ZFAND3: variants seen among roughly 807,000 people sequenced by gnomAD.
ZFAND3 encodes the protein zinc finger AN1-type containing 3, also known as AN1-type zinc finger protein 3.
ZFAND3 carries 10 observed loss-of-function variants against 29.6 expected under a neutral mutation model. The observed-to-expected ratio is 0.34, with a 90% CI of 0.21 to 0.57. The LOEUF is 0.57. Among genes scored for constraint, ZFAND3 ranks in the 20% least tolerant of loss-of-function variants. ZFAND3 has a pLI of 0.86. For missense variants in ZFAND3, 230 were observed against 304.5 expected (o/e 0.76, Z 1.82); for synonymous variants, 128 against 112.6 (o/e 1.14, Z -0.87).
intron 5 of ZFAND3, among the ~76,000 whole-genome samples, chr6:38,151,492 A>C (rs1355144862): frequency 6.6e-6 from 1 of 151,356 alleles, no homozygotes; most frequent in Non-Finnish European, 1.5e-5. Context: ...CAGTGGAGTG[A>C]AGGACAGCTG....
At chr6:37,820,357 C>T (rs1394023975) in intron 1 of ZFAND3, among the ~76,000 whole-genome samples, 1 of 152,216 alleles carries the variant, frequency 6.6e-6, no homozygotes, top group Non-Finnish European at 1.5e-5. Flanking sequence ...AGGGGTGCCC[C>T]TTCCGTGGGC....
intron 1 of ZFAND3, among the ~76,000 whole-genome samples, chr6:37,907,202 A>G (rs1279439034): frequency 6.6e-6 from 1 of 152,016 alleles, no homozygotes; most frequent in Non-Finnish European, 1.5e-5. Flanking sequence ...ATCATAGAAT[A>G]TTCCTCTCCC....
intron 2 of ZFAND3, among the ~76,000 whole-genome samples, chr6:38,044,271 G>A (rs1385031575): frequency 1.3e-5 from 2 of 152,028 alleles, no homozygotes; most frequent in South Asian, 2.1e-4. Flanking sequence ...ACTGTCTTTG[G>A]TGCATTTATT....
intron 2 of ZFAND3, among the ~76,000 whole-genome samples, chr6:37,954,423 A>G (rs1263881430): frequency 6.6e-6 from 1 of 152,046 alleles, no homozygotes; most frequent in Non-Finnish European, 1.5e-5. Context: ...CTTCATGTTC[A>G]CTAATCATCT....
chr6:37,866,044 C>G (rs1764584728), intron 1 of ZFAND3, among the ~76,000 whole-genome samples: 1 of 152,084 alleles, frequency 6.6e-6, no homozygotes, highest in South Asian at 2.1e-4. Context: ...CCCGGCTGGT[C>G]TCAAATTCTT....
At chr6:38,025,821 A>T (rs149553451) in intron 2 of ZFAND3, among the ~76,000 whole-genome samples, 50 of 152,364 alleles carry the variant, frequency 3.3e-4, no homozygotes, top group African/African-American at 1.2e-3. Context: ...AAATAGGCAG[A>T]TCTACAGGGA....
chr6:37,871,500 A>T (rs1347567927), intron 1 of ZFAND3, among the ~76,000 whole-genome samples: 1 of 152,224 alleles, frequency 6.6e-6, no homozygotes. Context: ...CTTGGATTGG[A>T]TCCTGGGCCA....
At chr6:38,096,109 A>G (rs940387785) in intron 4 of ZFAND3, among the ~76,000 whole-genome samples, 1 of 151,832 alleles carries the variant, frequency 6.6e-6, no homozygotes, top group African/African-American at 2.4e-5. Context: ...ACTGATTATC[A>G]TTTTTATGAG....
At chr6:38,106,864 C>T (rs1765221050) in intron 4 of ZFAND3, among the ~76,000 whole-genome samples, 2 of 152,134 alleles carry the variant, frequency 1.3e-5, no homozygotes, top group Admixed American at 1.3e-4. Flanking sequence ...TGGCCCTGGA[C>T]AGAGTAGACA....
chr6:37,971,107 T>G (rs1762380089), intron 2 of ZFAND3, among the ~76,000 whole-genome samples: 1 of 152,224 alleles, frequency 6.6e-6, no homozygotes, highest in Non-Finnish European at 1.5e-5. Flanking sequence ...CAGGAATAAC[T>G]TTTAGTTTTT....
At chr6:37,916,286 C>A (rs950363721) in intron 1 of ZFAND3, among the ~76,000 whole-genome samples, 2 of 152,058 alleles carry the variant, frequency 1.3e-5, no homozygotes, top group African/African-American at 4.8e-5. Flanking sequence ...CAAAGACTTG[C>A]TCAATGCAGG....
chr6:38,046,607 T>TA (rs993327930), intron 2 of ZFAND3, among the ~76,000 whole-genome samples: 19 of 152,260 alleles, frequency 1.2e-4, no homozygotes, highest in Non-Finnish European at 2.6e-4. Context: ...GAGCTATAAA[T>TA]AAAAAAATTT....
At chr6:37,908,075 T>G (rs775813367) in intron 1 of ZFAND3, among the ~76,000 whole-genome samples, 4 of 152,214 alleles carry the variant, frequency 2.6e-5, no homozygotes, top group Non-Finnish European at 5.9e-5. Context: ...CCAAATGATT[T>G]ATGAATCGCA....
At chr6:37,958,644 A>G (rs1211433050) in intron 2 of ZFAND3, among the ~76,000 whole-genome samples, 1 of 152,146 alleles carries the variant, frequency 6.6e-6, no homozygotes, top group Admixed American at 6.5e-5. Context: ...CTACATAGTC[A>G]TAGCAATTAA....
chr6:38,060,823 C>T (rs1000792474), intron 2 of ZFAND3, among the ~76,000 whole-genome samples: 171 of 152,152 alleles, frequency 1.1e-3, no homozygotes, highest in Admixed American at 2.0e-3. Context: ...AGATTGGCTA[C>T]AGGACTCCCC....
At chr6:37,833,418 C>G (rs1025077069) in intron 1 of ZFAND3, among the ~76,000 whole-genome samples, 2 of 152,076 alleles carry the variant, frequency 1.3e-5, no homozygotes, top group Non-Finnish European at 2.9e-5. Context: ...CAACTTGTAC[C>G]ATCACAGATT....
At chr6:37,903,932 TAA>T (rs1334243036) in intron 1 of ZFAND3, among the ~76,000 whole-genome samples, 1 of 152,162 alleles carries the variant, frequency 6.6e-6, no homozygotes, top group Non-Finnish European at 1.5e-5. Context: ...AGATTTTCTT[TAA>T]AAAGAAACAA....
chr6:38,042,835 C>A (rs1040088595), intron 2 of ZFAND3, among the ~76,000 whole-genome samples: 4 of 151,936 alleles, frequency 2.6e-5, no homozygotes, highest in Non-Finnish European at 5.9e-5. Flanking sequence ...GTAATAAAAA[C>A]CTACTTGAGA....
Position 37,819,982 on chromosome 6 carries a change from A to T in ZFAND3, c.37A>T (p.Ser13Cys), listed in dbSNP as rs1763629787. ...DAGSERSKAP[S>C]LPPRCPCGFW... ...TGGGAGCGAGCGCAGCAAAGCGCCC[A>T]GCCTGCCGCCTCGCTGTCCCTGCGG... is the stretch of plus-strand genomic sequence containing the variant. The change falls in exon 1 of 6, where the codon AGC becomes TGC. Residue 13 changes from serine (S) to cysteine (C), a missense_variant. Ser to Cys is a moderately radical substitution (Grantham distance 112). This residue lies in a region of ZFAND3 where 180 missense variants were observed against 202.5 expected (regional missense o/e 0.89). Coordinates refer to ENST00000287218, the MANE Select transcript of ZFAND3 (RefSeq NM_021943.3). 1.6e-6 allele frequency: 2 copies of T among 1,219,398 alleles called. No homozygotes were observed. Among genetic ancestry groups the T allele is most frequent in the Admixed American group, 8.7e-5 (2 of 23,092 alleles). The allele number at this position is 1,219,398 out of a possible 1,614,324, so 75.5% of individuals were successfully genotyped here.
Sources: allele counts gnomAD v4.1 joint callset (sites outside exome capture counted in the v4.1 genomes callset), GRCh38; gene constraint gnomAD v4.1.1; regional missense constraint gnomAD v4.1.1; transcripts MANE v1.5; gene names NCBI Gene and HGNC (gene_info 2026-07-23, HGNC 2026-07-21).